The following SMOC2 variants were observed in gnomAD, a reference collection of about 807,000 sequenced individuals.
SMOC2 encodes SPARC-related modular calcium-binding protein 2.
In SMOC2, 39 loss-of-function variants were observed where a neutral mutation model predicts 61.4. The ratio of observed to expected loss-of-function variants is 0.64; its 90% CI spans 0.49 to 0.83. SMOC2 has a LOEUF of 0.83. Among genes scored for constraint, SMOC2 ranks in the 40% least tolerant of loss-of-function variants. The probability of loss-of-function intolerance (pLI) is 0.00; values close to 1 mark genes in which losing one functional copy is unlikely to be tolerated. For missense variants in SMOC2, 556 were observed against 592.9 expected (o/e 0.94, Z 0.65); for synonymous variants, 247 against 239.9 (o/e 1.03, Z -0.27).
chr6:168,486,451 T>A (rs566501339), intron 1 of SMOC2, among the ~76,000 whole-genome samples: 1 of 152,100 alleles, frequency 6.6e-6, no homozygotes, highest in African/African-American at 2.4e-5. Flanking sequence ...AGAAATAAAA[T>A]CATGAAAGGA....
chr6:168,607,804 G>GA (rs1785743163), intron 8 of SMOC2, among the ~76,000 whole-genome samples: 1 of 151,292 alleles, frequency 6.6e-6, no homozygotes, highest in South Asian at 2.1e-4. Context: ...GCAACGGGAG[G>GA]AGGGGGAGGT....
At chr6:168,513,977 G>A (rs1453787802) in intron 2 of SMOC2, among the ~76,000 whole-genome samples, 10 of 151,962 alleles carry the variant, frequency 6.6e-5, no homozygotes, top group Admixed American at 5.2e-4. Context: ...GGGGCCCTCC[G>A]GGGTGGCAGG....
chr6:168,634,355 T>C lies in SMOC2; in HGVS notation c.908-16326T>C, dbSNP rs577013603. 3.3e-5 allele frequency among the ~76,000 whole-genome samples: 5 copies of C among 152,292 alleles called. No homozygotes were observed. In the East Asian group the frequency reaches 5.8e-4, roughly 18 times the overall value. On this transcript the variant is annotated intron_variant, in intron 9 of 12. Coordinates refer to ENST00000356284, the MANE Select transcript of SMOC2 (RefSeq NM_001166412.2). ...GTAACTTTGCATGGCACAGGACTTATTGCATGCGATAATTGTGCATCAAGG... is the reference window on the plus strand; with the variant it reads ...GTAACTTTGCATGGCACAGGACTTACTGCATGCGATAATTGTGCATCAAGG...
intron 1 of SMOC2, among the ~76,000 whole-genome samples, chr6:168,448,115 C>T (rs546443844): frequency 1.1e-4 from 16 of 152,286 alleles, no homozygotes; most frequent in African/African-American, 3.4e-4. Context: ...AACCGACCTG[C>T]GATTTGTGAC....
chr6:168,549,515 A>G (rs1231547311), intron 7 of SMOC2, among the ~76,000 whole-genome samples: 1 of 152,226 alleles, frequency 6.6e-6, no homozygotes, highest in Non-Finnish European at 1.5e-5. Context: ...AATAGAAAAT[A>G]TATTTATTAT....
At chr6:168,605,640 G>A (rs970797170) in intron 8 of SMOC2, among the ~76,000 whole-genome samples, 3 of 152,118 alleles carry the variant, frequency 2.0e-5, no homozygotes, top group Non-Finnish European at 4.4e-5. Context: ...GAACAAAACC[G>A]AAATGCCCGT....
intron 3 of SMOC2, 69 bp from the exon 4 acceptor site, chr6:168,527,558 TG>T: frequency 1.8e-6 from 2 of 1,101,856 alleles, no homozygotes; most frequent in Non-Finnish European, 2.7e-6. Context: ...GAAAGCAGAG[TG>T]GGCCTCGCAG....
chr6:168,546,026 A>T (rs963172538), intron 5 of SMOC2, among the ~76,000 whole-genome samples: 3 of 152,144 alleles, frequency 2.0e-5, no homozygotes, highest in Non-Finnish European at 4.4e-5. Context: ...GTATTTTGAT[A>T]GCTAGCAAAC....
chr6:168,656,386 C>T (rs1285879090), intron 11 of SMOC2, among the ~76,000 whole-genome samples: 2 of 151,736 alleles, frequency 1.3e-5, no homozygotes, highest in African/African-American at 4.8e-5. Flanking sequence ...TGGCTCATGC[C>T]TGTAGTCCCA....
intron 9 of SMOC2, among the ~76,000 whole-genome samples, chr6:168,646,420 C>T (rs1408562375): frequency 6.6e-6 from 1 of 152,120 alleles, no homozygotes; most frequent in African/African-American, 2.4e-5. Flanking sequence ...GGGAAGGAAG[C>T]GAAAGTTAAT....
intron 5 of SMOC2, among the ~76,000 whole-genome samples, chr6:168,546,775 C>T (rs1562339897): frequency 6.6e-6 from 1 of 152,362 alleles, no homozygotes; most frequent in East Asian, 1.9e-4. Flanking sequence ...TATGACTTCT[C>T]TTTCCCAGGG....
At chr6:168,462,209 C>T (rs1781733662) in intron 1 of SMOC2, among the ~76,000 whole-genome samples, 1 of 152,108 alleles carries the variant, frequency 6.6e-6, no homozygotes, top group Non-Finnish European at 1.5e-5. Context: ...ATCAGTTTAG[C>T]TTGCTTTTAG....
At chr6:168,650,936 C>T (rs1192220118) in intron 10 of SMOC2, among the ~76,000 whole-genome samples, 153 bp downstream of exon 10, 1 of 152,214 alleles carries the variant, frequency 6.6e-6, no homozygotes, top group East Asian at 1.9e-4. Flanking sequence ...CAGGAAGTTG[C>T]TTAGCAGGTT....
chr6:168,592,367 AC>A (rs1785206692), intron 7 of SMOC2, among the ~76,000 whole-genome samples: 2 of 91,638 alleles, frequency 2.2e-5, no homozygotes, highest in Non-Finnish European at 5.0e-5. Flanking sequence ...CTGAGGCCTC[AC>A]GGGCATCTTT....
At chr6:168,645,363 A>G (rs1205624447) in intron 9 of SMOC2, among the ~76,000 whole-genome samples, 5 of 152,326 alleles carry the variant, frequency 3.3e-5, no homozygotes, top group East Asian at 1.9e-4. Flanking sequence ...TAAAATGGGG[A>G]GGAAGTGAGC....
In SMOC2 at chr6:168,453,220, G is replaced by A. The variant is rs1781504493; in HGVS notation, c.84+11766G>A. 1.3e-5 allele frequency among the ~76,000 whole-genome samples: 2 copies of A among 151,572 alleles called. No individual in the cohort carries two copies. The highest frequency in any genetic ancestry group is 1.3e-4 in the Admixed American group (2 of 15,222). On this transcript the variant is annotated intron_variant, in intron 1 of 12. Coordinates refer to ENST00000356284, the MANE Select transcript of SMOC2 (RefSeq NM_001166412.2). The surrounding 1 kb of genome is among the most constrained non-coding windows in gnomAD (Gnocchi z 4.4). ...CCTGACAAATGCGGGCGGGGGTGGGGGAGGAACTCGGGACCCAGGGCTGTG... is the reference window on the plus strand; with the variant it reads ...CCTGACAAATGCGGGCGGGGGTGGGAGAGGAACTCGGGACCCAGGGCTGTG...
In SMOC2 at chr6:168,602,633, G is replaced by T. The variant is rs114208748; in HGVS notation, c.824+3629G>T. Among the ~76,000 whole-genome samples, 841 of 152,300 alleles carry T rather than the reference G, an allele frequency of 5.5e-3. 7 individuals are homozygous for T. The highest frequency in any genetic ancestry group is 0.019 in the African/African-American group (794 of 41,558). ...TTAGCCCCTTGGCACCCACAGCCAC[G>T]TGGAGCAGGGTCTGTGGCTAAGACA... On this transcript the variant is annotated intron_variant, in intron 8 of 12. Transcript: ENST00000356284.
chr6:168,544,689 T>C lies in SMOC2; in HGVS notation c.511+1017T>C, dbSNP rs1451114737. Among the ~76,000 whole-genome samples the C allele has an allele frequency of 1.3e-5, 2 of 152,038 alleles. No homozygotes were observed. Among genetic ancestry groups the C allele is most frequent in the Non-Finnish European group, 2.9e-5 (2 of 68,000 alleles). ...TTCTGTCTCAAAAACAAAAACAAAA[T>C]AATAAAAATAAAAATCGGAGTTTTA... On this transcript the variant is annotated intron_variant, in intron 5 of 12. Transcript: ENST00000356284. The surrounding 1 kb of genome is among the most constrained non-coding windows in gnomAD (Gnocchi z 4.1).
intron 7 of SMOC2, among the ~76,000 whole-genome samples, chr6:168,574,121 T>G (rs940776843): frequency 6.6e-6 from 1 of 152,278 alleles, no homozygotes; most frequent in African/African-American, 2.4e-5. Flanking sequence ...GTCTTTTCCC[T>G]GCACATGTGA....
Sources: allele counts gnomAD v4.1 joint callset (sites outside exome capture counted in the v4.1 genomes callset), GRCh38; gene constraint gnomAD v4.1.1; non-coding constraint Gnocchi (gnomAD v3.1); transcripts MANE v1.5; gene names NCBI Gene and HGNC (gene_info 2026-07-23, HGNC 2026-07-21).